The following KCNQ5 variants were observed in gnomAD, a reference collection of about 807,000 sequenced individuals.
The protein encoded by KCNQ5 is potassium voltage-gated channel subfamily KQT member 5.
A neutral mutation model predicts 98.2 loss-of-function variants in KCNQ5; 30 were observed. That is an observed-to-expected ratio of 0.31 (90% CI 0.23 to 0.41). The LOEUF (loss-of-function observed/expected upper bound fraction) is 0.41. Ranked by LOEUF, KCNQ5 falls within the 10% of genes least tolerant of loss-of-function variation. The pLI is 1.00. For synonymous variants in KCNQ5, 458 were observed against 449.4 expected (o/e 1.02, Z -0.24); for missense variants, 835 against 1,182.5 (o/e 0.71, Z 4.31).
chr6:72,854,721 TACACAC>T (rs59899899), intron 1 of KCNQ5, among the ~76,000 whole-genome samples: 1,291 of 126,754 alleles, frequency 0.01, 10 homozygotes, highest in African/African-American at 0.016. Context: ...TCTTTCTTTG[TACACAC>T]ACACACACAC....
At chr6:72,811,299 C>G (rs1477965652) in intron 1 of KCNQ5, among the ~76,000 whole-genome samples, 1 of 152,126 alleles carries the variant, frequency 6.6e-6, no homozygotes, top group Non-Finnish European at 1.5e-5. Flanking sequence ...ATTCTTTCTA[C>G]CTGTTCCCAG....
rs547933459 is a variant in KCNQ5, at chr6:72,908,380, T to C, written c.399-95528T>C. Among the ~76,000 whole-genome samples the C allele has an allele frequency of 7.9e-5, 12 of 152,200 alleles. No individual in the cohort carries two copies. In the East Asian group the frequency reaches 2.3e-3, roughly 29 times the overall value. Reference sequence around the variant, plus strand: ...CTGCTCTTGTCACAAAAAAAGTAATTATGCGAGATAATAGATATGTTAATC... The same window carrying C: ...CTGCTCTTGTCACAAAAAAAGTAATCATGCGAGATAATAGATATGTTAATC... On this transcript the variant is annotated intron_variant, in intron 1 of 13. Transcript: ENST00000370398.
chr6:73,164,304 T>C (rs543038322), intron 10 of KCNQ5, among the ~76,000 whole-genome samples: 2 of 152,274 alleles, frequency 1.3e-5, no homozygotes, highest in South Asian at 4.2e-4. Flanking sequence ...AAAAATTCCC[T>C]AATTCACTCC....
intron 1 of KCNQ5, among the ~76,000 whole-genome samples, chr6:72,936,886 T>C (rs1765945276): frequency 6.6e-6 from 1 of 152,204 alleles, no homozygotes; most frequent in Non-Finnish European, 1.5e-5. Flanking sequence ...TGTCTTAACA[T>C]TATCATCATA....
intron 2 of KCNQ5, among the ~76,000 whole-genome samples, chr6:73,024,334 C>T (rs1019550696): frequency 4.9e-5 from 2 of 40,902 alleles, no homozygotes; most frequent in Non-Finnish European, 1.0e-4. Context: ...CATATGTGAA[C>T]CTCCCTTGAT....
At chr6:72,740,353 G>A (rs930624217) in intron 1 of KCNQ5, among the ~76,000 whole-genome samples, 4 of 152,144 alleles carry the variant, frequency 2.6e-5, no homozygotes, top group South Asian at 2.1e-4. Context: ...AGAAGAGAAC[G>A]GAAACTCAGA....
At chr6:73,081,783 AC>A (rs1259237312) in intron 5 of KCNQ5, among the ~76,000 whole-genome samples, 1 of 152,168 alleles carries the variant, frequency 6.6e-6, no homozygotes, top group East Asian at 1.9e-4. Flanking sequence ...CTTTAGCCTA[AC>A]CAGTGTCTTA....
chr6:72,910,528 A>G (rs1387542758), intron 1 of KCNQ5, among the ~76,000 whole-genome samples: 1 of 150,394 alleles, frequency 6.6e-6, no homozygotes, highest in Non-Finnish European at 1.5e-5. Flanking sequence ...AACCTTTTCA[A>G]TTATAGTAAC....
intron 1 of KCNQ5, among the ~76,000 whole-genome samples, chr6:72,644,927 A>C (rs974019943): frequency 2.6e-5 from 4 of 152,162 alleles, no homozygotes; most frequent in African/African-American, 9.7e-5. Flanking sequence ...GTTGGTCTAC[A>C]TAATTTTGCA....
chr6:73,184,702 A>C (rs536036689), intron 11 of KCNQ5, among the ~76,000 whole-genome samples: 10 of 152,328 alleles, frequency 6.6e-5, no homozygotes, highest in African/African-American at 2.4e-4. Flanking sequence ...CATCTACCCC[A>C]GTGAGGGTGG....
intron 1 of KCNQ5, among the ~76,000 whole-genome samples, chr6:72,890,765 C>T (rs867848915): frequency 6.6e-6 from 1 of 152,072 alleles, no homozygotes; most frequent in African/African-American, 2.4e-5. Context: ...TGCAAAAGCC[C>T]CACATCACAT....
At chr6:72,670,246 A>G (rs896588441) in intron 1 of KCNQ5, among the ~76,000 whole-genome samples, 2 of 152,176 alleles carry the variant, frequency 1.3e-5, no homozygotes, top group African/African-American at 4.8e-5. Context: ...ATTTTTGCTA[A>G]CATTCAGTTT....
intron 1 of KCNQ5, among the ~76,000 whole-genome samples, chr6:72,766,499 C>T (rs1772580336): frequency 6.6e-6 from 1 of 151,886 alleles, no homozygotes; most frequent in South Asian, 2.1e-4. Context: ...AGCAGAAGAA[C>T]CTATTTGGAG....
chr6:72,742,742 A>T (rs1224058935), intron 1 of KCNQ5, among the ~76,000 whole-genome samples: 1 of 152,240 alleles, frequency 6.6e-6, no homozygotes, highest in African/African-American at 2.4e-5. Flanking sequence ...GTTCAGAAAC[A>T]AGCAGCAGTG....
At chr6:72,960,712 C>T (rs1172189146) in intron 1 of KCNQ5, among the ~76,000 whole-genome samples, 1 of 152,190 alleles carries the variant, frequency 6.6e-6, no homozygotes, top group East Asian at 1.9e-4. Context: ...AGGTGTGAGC[C>T]ACTGTGCCCA....
chr6:73,008,594 A>T (rs1413519077), intron 2 of KCNQ5, among the ~76,000 whole-genome samples: 6 of 152,196 alleles, frequency 3.9e-5, no homozygotes, highest in Non-Finnish European at 5.9e-5. Context: ...ACCTAATAAC[A>T]GGTAATAAAA....
At chr6:73,156,645 A>AAAACAG (rs1207760093) in intron 10 of KCNQ5, among the ~76,000 whole-genome samples, 11 of 152,126 alleles carry the variant, frequency 7.2e-5, no homozygotes, top group African/African-American at 2.7e-4. Flanking sequence ...AACAAAAACA[A>AAAACAG]AAATGAATTA....
intron 2 of KCNQ5, among the ~76,000 whole-genome samples, chr6:73,030,062 A>T (rs990263727): frequency 1.3e-5 from 2 of 152,210 alleles, no homozygotes; most frequent in East Asian, 3.8e-4. Flanking sequence ...CACATGGTTA[A>T]TAACATTGAA....
Position 73,195,146 on chromosome 6 carries a change from T to A in KCNQ5, c.2531T>A (p.Ile844Lys). ...ATCAGGTCGACCGAGGAACTGAATATACAACTTTCAGGGAGTGAGTCAAGT... is the reference window on the plus strand; with the variant it reads ...ATCAGGTCGACCGAGGAACTGAATAAACAACTTTCAGGGAGTGAGTCAAGT... Reference protein sequence around the residue: ...NLIRSTEELNIQLSGSESSGS... With the variant: ...NLIRSTEELNKQLSGSESSGS... The change falls in exon 14 of 14, where the codon ATA (isoleucine) becomes AAA (lysine). Residue 844 changes from isoleucine to lysine, a missense_variant. By Grantham distance (102) the Ile-to-Lys change is moderately radical (BLOSUM62 -3). Coordinates refer to ENST00000370398, the MANE Select transcript of KCNQ5 (RefSeq NM_019842.4). 2.5e-6 allele frequency: 4 copies of A among 1,614,226 alleles called. No individual in the cohort carries two copies. Among genetic ancestry groups the A allele is most frequent in the Non-Finnish European group, 3.4e-6 (4 of 1,180,034 alleles).
Sources: allele counts gnomAD v4.1 joint callset (sites outside exome capture counted in the v4.1 genomes callset), GRCh38; gene constraint gnomAD v4.1.1; transcripts MANE v1.5; gene names NCBI Gene and HGNC (gene_info 2026-07-23, HGNC 2026-07-21).